Variants in FGGY observed in about 807,000 individuals in gnomAD.
The protein encoded by FGGY is FGGY carbohydrate kinase domain containing.
FGGY carries 72 observed loss-of-function variants against 71.3 expected under a neutral mutation model. That is an observed-to-expected ratio of 1.01 (90% CI 0.84 to 1.23). The LOEUF (loss-of-function observed/expected upper bound fraction) is 1.23, where lower values mean the gene tolerates loss of function less well. Ranked by LOEUF, FGGY falls within the 50% of genes most tolerant of loss-of-function variation. The pLI is 0.00. For synonymous variants in FGGY, 251 were observed against 250.3 expected (o/e 1.00, Z -0.02); for missense variants, 668 against 682.3 (o/e 0.98, Z 0.23).
At chr1:59,591,965 T>C (rs535734239) in intron 8 of FGGY, among the ~76,000 whole-genome samples, 175 of 152,284 alleles carry the variant, frequency 1.1e-3, no homozygotes, top group African/African-American at 4.0e-3. Context: ...AAAGAGCTTC[T>C]GCACAGCAAA....
At chr1:59,401,723 A>G (rs1183721404) in intron 5 of FGGY, among the ~76,000 whole-genome samples, 5 of 152,244 alleles carry the variant, frequency 3.3e-5, no homozygotes, top group Non-Finnish European at 2.9e-5. Context: ...GGCCAGTTAA[A>G]CTAATGAATT....
intron 4 of FGGY, among the ~76,000 whole-genome samples, chr1:59,348,201 A>G (rs1276771933): frequency 6.6e-6 from 1 of 152,222 alleles, no homozygotes; most frequent in Non-Finnish European, 1.5e-5. Context: ...CAGAGAGGTT[A>G]ATTACCGTTC....
At chr1:59,303,693 C>G (rs1445161588) in intron 1 of FGGY, among the ~76,000 whole-genome samples, 1 of 152,064 alleles carries the variant, frequency 6.6e-6, no homozygotes, top group Non-Finnish European at 1.5e-5. Flanking sequence ...TGCCATAATG[C>G]TGTACCAATT....
chr1:59,516,544 T>C (rs1452390106), intron 7 of FGGY, among the ~76,000 whole-genome samples: 1 of 152,216 alleles, frequency 6.6e-6, no homozygotes, highest in African/African-American at 2.4e-5. Context: ...CCTACAAATA[T>C]GGTGCTTCGC....
At chr1:59,520,511 C>G (rs1338378728) in intron 7 of FGGY, among the ~76,000 whole-genome samples, 1 of 152,192 alleles carries the variant, frequency 6.6e-6, no homozygotes, top group African/African-American at 2.4e-5. Flanking sequence ...GCACCAATCA[C>G]TCTCTATGCT....
At position 59,734,099 on chromosome 1, in the gene FGGY, T is replaced by G. The variant is rs182676669; in HGVS notation, c.1513-23832T>G. On this transcript the variant is annotated intron_variant, in intron 14 of 15. Coordinates refer to ENST00000303721, the MANE Select transcript of FGGY (RefSeq NM_018291.5). Reference sequence around the variant, plus strand: ...ACCCACACTTCCCTTCACTCTTATCTGCTCCAACAACACAGCCTTTCTCAT... The same window carrying G: ...ACCCACACTTCCCTTCACTCTTATCGGCTCCAACAACACAGCCTTTCTCAT... Among the ~76,000 whole-genome samples, 317 of 152,366 alleles carry G rather than the reference T, an allele frequency of 2.1e-3. 1 individual carries two copies. The highest frequency in any genetic ancestry group is 7.4e-3 in the African/African-American group (309 of 41,588).
chr1:59,324,443 A>AT (rs1286383113), intron 2 of FGGY, among the ~76,000 whole-genome samples: 3 of 149,646 alleles, frequency 2.0e-5, no homozygotes, highest in Non-Finnish European at 3.0e-5. Context: ...CGCCCGGCTA[A>AT]TTTTTTGTAT....
chr1:59,736,550 G>C (rs568848161), intron 14 of FGGY, among the ~76,000 whole-genome samples: 9 of 152,258 alleles, frequency 5.9e-5, no homozygotes, highest in Admixed American at 1.3e-4. Flanking sequence ...GGTGACTCTT[G>C]TTACGTTTCA....
At chr1:59,528,987 T>C (rs1204925333) in intron 7 of FGGY, among the ~76,000 whole-genome samples, 4 of 152,220 alleles carry the variant, frequency 2.6e-5, no homozygotes, top group African/African-American at 9.6e-5. Context: ...AACACCTAAA[T>C]AGATGATTAT....
chr1:59,701,028 A>G (rs1006708556), intron 14 of FGGY, among the ~76,000 whole-genome samples: 6 of 152,182 alleles, frequency 3.9e-5, no homozygotes, highest in African/African-American at 1.4e-4. Flanking sequence ...TCTGCTGCCA[A>G]CACTTGTGTT....
intron 11 of FGGY, among the ~76,000 whole-genome samples, chr1:59,643,713 A>G (rs1369666679): frequency 6.6e-6 from 1 of 152,198 alleles, no homozygotes; most frequent in African/African-American, 2.4e-5. Context: ...ATAAGACATA[A>G]CATATGTTTT....
At chr1:59,705,309 C>T (rs1009486583) in intron 14 of FGGY, among the ~76,000 whole-genome samples, 1 of 152,102 alleles carries the variant, frequency 6.6e-6, no homozygotes, top group Non-Finnish European at 1.5e-5. Flanking sequence ...TGGAAATGTT[C>T]CCTTTAAACT....
rs74087452 is a variant in FGGY, at chr1:59,405,442, T to A, written c.554+26605T>A. Reference sequence around the variant, plus strand: ...TAATTTTTTGAGTTGCTAGAGTAGATTTGTACATAGAAAACAGGTAAAACC... The same window carrying A: ...TAATTTTTTGAGTTGCTAGAGTAGAATTGTACATAGAAAACAGGTAAAACC... On this transcript the variant is annotated intron_variant, in intron 5 of 15. Transcript: ENST00000303721. Among the ~76,000 whole-genome samples, 414 of 152,314 alleles carry A rather than the reference T, an allele frequency of 2.7e-3. 1 individual carries two copies. The highest frequency in any genetic ancestry group is 9.6e-3 in the African/African-American group (401 of 41,566).
intron 5 of FGGY, among the ~76,000 whole-genome samples, chr1:59,388,310 C>A (rs1166288252): frequency 1.3e-5 from 2 of 152,140 alleles, no homozygotes; most frequent in Non-Finnish European, 2.9e-5. Context: ...TTATTATCAC[C>A]TTTTCTTTAA....
chr1:59,609,031 ACT>A (rs375165481), intron 9 of FGGY, among the ~76,000 whole-genome samples: 19 of 152,268 alleles, frequency 1.2e-4, no homozygotes, highest in African/African-American at 4.6e-4. Flanking sequence ...AGGTTAGGAA[ACT>A]CTTTACAGGG....
chr1:59,710,957 T>C (rs2100241091), intron 14 of FGGY, among the ~76,000 whole-genome samples: 1 of 152,252 alleles, frequency 6.6e-6, no homozygotes, highest in East Asian at 1.9e-4. Flanking sequence ...ACCCAAATGA[T>C]TATAAATCAT....
At chr1:59,617,540 C>T (rs1572167294) in intron 9 of FGGY, among the ~76,000 whole-genome samples, 1 of 152,106 alleles carries the variant, frequency 6.6e-6, no homozygotes, top group Non-Finnish European at 1.5e-5. Flanking sequence ...TTTCATCACA[C>T]ATCAAGGCCT....
rs559336507 is a variant in FGGY at position 59,337,784 on chromosome 1, A to G, written c.202-2174A>G. ...TTGTAGATTCTTTAGGATTTTCTGC[A>G]TATGAGATCATGTCATCTGCAAAGA... On this transcript the variant is annotated intron_variant, in intron 2 of 15. Coordinates refer to ENST00000303721, the MANE Select transcript of FGGY (RefSeq NM_018291.5). 9.2e-5 allele frequency among the ~76,000 whole-genome samples: 14 copies of G among 152,312 alleles called. No individual in the cohort carries two copies. In the South Asian group the frequency reaches 2.7e-3, roughly 29 times the overall value.
chr1:59,622,091 A>G (rs891267434), intron 9 of FGGY, among the ~76,000 whole-genome samples: 1 of 151,850 alleles, frequency 6.6e-6, no homozygotes, highest in Admixed American at 6.6e-5. Flanking sequence ...GTCATCTCCA[A>G]TCAGCTCTTA....
Sources: gnomAD v4.1 joint callset for allele counts (sites outside exome capture counted in the v4.1 genomes callset) on GRCh38, gnomAD v4.1.1 for gene constraint, MANE v1.5 for transcripts, NCBI Gene and HGNC (gene_info 2026-07-23, HGNC 2026-07-21) for gene names.